The following PRKD2 variants were observed in gnomAD, a reference collection of about 807,000 sequenced individuals.
PRKD2 encodes protein kinase D2, also known as serine/threonine-protein kinase D2.
PRKD2 carries 22 observed loss-of-function variants against 86.0 expected under a neutral mutation model. The observed-to-expected ratio is 0.26, with a 90% CI of 0.18 to 0.37. The LOEUF (loss-of-function observed/expected upper bound fraction) is 0.37, where lower values mean the gene tolerates loss of function less well. PRKD2 is among the 10% of genes least tolerant of loss of function. PRKD2 has a pLI of 1.00. For missense variants in PRKD2, 818 were observed against 1,199.2 expected (o/e 0.68, Z 4.70); for synonymous variants, 509 against 510.9 (o/e 1.00, Z 0.05).
At chr19:46,701,298 T>C (rs1443437665) in intron 5 of PRKD2, among the ~76,000 whole-genome samples, 186 bp from the exon 6 acceptor site, 1 of 151,030 alleles carries the variant, frequency 6.6e-6, no homozygotes, top group Non-Finnish European at 1.5e-5. Flanking sequence ...ATCGGGGGGG[T>C]CTTGATTAAG....
At chr19:46,714,084 G>C in intron 1 of PRKD2, 83 bp from the exon 2 acceptor site, 2 of 1,506,280 alleles carry the variant, frequency 1.3e-6, no homozygotes, top group Non-Finnish European at 1.8e-6. Flanking sequence ...TCCCAGGGCA[G>C]GGCCGGCTGT....
Position 46,678,628 on chromosome 19 carries a change from G to A in PRKD2, c.2106C>T (p.Ile702=), listed in dbSNP as rs746360678. 1.9e-5 allele frequency: 31 copies of A among 1,609,122 alleles called. No individual in the cohort carries two copies. The highest frequency in any genetic ancestry group is 1.6e-4 in the Middle Eastern group (1 of 6,084). ...KLCDFGFARI[I]GEKSFRRSVV... ...CTGAGCGGCGGAACGACTTCTCGCC[G>A]ATGATGCGAGCAAAGCCAAAGTCAC... The change falls in exon 16 of 18, where the codon ATC becomes ATT. Residue 702 remains isoleucine (I), a synonymous_variant. Coordinates refer to ENST00000291281, the MANE Select transcript of PRKD2 (RefSeq NM_016457.5). The surrounding 1 kb of genome is among the most constrained non-coding windows in gnomAD (Gnocchi z 5.7).
chr19:46,686,878 G>A (rs1252952713), intron 14 of PRKD2, among the ~76,000 whole-genome samples: 1 of 151,852 alleles, frequency 6.6e-6, no homozygotes, highest in Non-Finnish European at 1.5e-5. Flanking sequence ...GTGAACCTGG[G>A]AGGCGGAGCT....
intron 2 of PRKD2, 59 bp downstream of exon 2, chr19:46,713,804 C>T (rs1393257614): frequency 2.9e-6 from 3 of 1,019,350 alleles, no homozygotes; most frequent in East Asian, 2.9e-5. Flanking sequence ...ACCCTCTCCT[C>T]CCCCAGATGC....
intron 12 of PRKD2, 129 bp downstream of exon 12, chr19:46,691,606 C>T (rs979756516): frequency 4.4e-6 from 4 of 904,972 alleles, no homozygotes; most frequent in Non-Finnish European, 7.3e-6. Context: ...CTAGCTAAGC[C>T]AATCAACATG....
At position 46,688,144 on chromosome 19, in the gene PRKD2, C is replaced by T. The variant is rs955644248; in HGVS notation, c.1971+1393G>A. Among the ~76,000 whole-genome samples, 3 of 152,244 alleles carry T rather than the reference C, an allele frequency of 2.0e-5. No individual in the cohort carries two copies. The South Asian group carries it at 6.2e-4, about 32-fold the overall frequency. On this transcript the variant is annotated intron_variant, in intron 14 of 17. Coordinates refer to ENST00000291281, the MANE Select transcript of PRKD2 (RefSeq NM_016457.5). ...GCTTCAAGCGATCCTCTTGCCTTGG[C>T]CTCCCAAAGCGCTGGGATTACGGGC...
In PRKD2 at chr19:46,697,714, C is replaced by T. The variant is rs748940974; in HGVS notation, c.1239+19G>A. On this transcript the variant is annotated intron_variant, in intron 8 of 17. Transcript: ENST00000291281. ...CCAGCCTTCGCTCCGCCGTACCCGG[C>T]CCCGCCCCGGCCACTCACCAGCGTG... is the stretch of plus-strand genomic sequence containing the variant. 1.4e-5 allele frequency: 22 copies of T among 1,600,826 alleles called. 1 individual carries two copies. The South Asian group carries it at 2.3e-4, about 17-fold the overall frequency.
intron 15 of PRKD2, among the ~76,000 whole-genome samples, chr19:46,680,719 T>C (rs1477381267): frequency 1.3e-5 from 2 of 151,488 alleles, no homozygotes; most frequent in Non-Finnish European, 2.9e-5. Context: ...GTTTCTTTTT[T>C]AAGAGACAGG....
intron 14 of PRKD2, chr19:46,685,852 G>A (rs1188915466): frequency 1.3e-5 from 2 of 152,398 alleles, no homozygotes; most frequent in Non-Finnish European, 2.9e-5. Flanking sequence ...GGGAGGCTGA[G>A]GTAGGAGAAT....
intron 12 of PRKD2, among the ~76,000 whole-genome samples, chr19:46,691,293 T>A (rs2053480054): frequency 6.6e-6 from 1 of 152,026 alleles, no homozygotes; most frequent in Non-Finnish European, 1.5e-5. Context: ...TCTACCCTCC[T>A]ATTCAATCAG....
At chr19:46,711,394 G>A (rs1419514977) in intron 2 of PRKD2, among the ~76,000 whole-genome samples, 1 of 152,116 alleles carries the variant, frequency 6.6e-6, no homozygotes, top group African/African-American at 2.4e-5. Flanking sequence ...AATGTTGTGG[G>A]CTTTTTTGTT....
chr19:46,704,480 C>T lies in PRKD2; in HGVS notation c.666+15G>A, dbSNP rs546593983. ...CCCCCTAGCCACCAACCCGTCCCAT[C>T]CCCCATCTCCTCACCAGCTCTTCAG... On this transcript the variant is annotated intron_variant, in intron 4 of 17. Coordinates refer to ENST00000291281, the MANE Select transcript of PRKD2 (RefSeq NM_016457.5). The T allele has an allele frequency of 1.7e-4, 271 of 1,614,116 alleles. No homozygotes were observed. The highest frequency in any genetic ancestry group is 1.4e-3 in the South Asian group (128 of 91,084).
rs1469330375 is a variant in PRKD2 at position 46,682,710 on chromosome 19, T to C, written c.1972-962A>G. Among the ~76,000 whole-genome samples the C allele has an allele frequency of 2.7e-5, 4 of 148,810 alleles. No individual in the cohort carries two copies. The South Asian group carries it at 8.6e-4, about 32-fold the overall frequency. ...CCAACTATGTGATTCTATTTTTTTT[T>C]TTTTTTTTTTTTTGAGACAGAGTCT... On this transcript the variant is annotated intron_variant, in intron 14 of 17. Transcript: ENST00000291281.
At chr19:46,675,827 G>A (rs1400309102) in intron 16 of PRKD2, among the ~76,000 whole-genome samples, 1 of 151,344 alleles carries the variant, frequency 6.6e-6, no homozygotes, top group African/African-American at 2.4e-5. Flanking sequence ...GTGCAGTGGC[G>A]TGATCAATGC....
In PRKD2 at chr19:46,703,992, C is replaced by CACACACACACA. The variant is rs946341425; in HGVS notation, c.889+176_889+177insTGTGTGTGTGT. On this transcript the variant is annotated intron_variant, in intron 5 of 17. Transcript: ENST00000291281. The stretch of plus-strand genomic sequence containing the variant: ...ACACACACACACACACACACACACA[C>CACACACACACA]AACTGAGGTTCTAAGATTCCAGAAT... Among the ~76,000 whole-genome samples, 10 of 150,200 alleles carry CACACACACACA rather than the reference C, an allele frequency of 6.7e-5. No individual in the cohort carries two copies. In the South Asian group the frequency reaches 1.3e-3, roughly 19 times the overall value.
chr19:46,710,280 G>C (rs1218027581), intron 3 of PRKD2: 1 of 151,632 alleles, frequency 6.6e-6, no homozygotes, highest in African/African-American at 2.4e-5. Context: ...ACAGTGTCGA[G>C]CTCCCAGGCT....
At chr19:46,683,373 G>A (rs557130482) in intron 14 of PRKD2, among the ~76,000 whole-genome samples, 10 of 152,154 alleles carry the variant, frequency 6.6e-5, no homozygotes, top group Middle Eastern at 3.4e-3. Flanking sequence ...GATTATAGGC[G>A]TGAGCCACTG....
chr19:46,703,910 C>G (rs2053670275), intron 5 of PRKD2, among the ~76,000 whole-genome samples: 1 of 150,710 alleles, frequency 6.6e-6, no homozygotes, highest in African/African-American at 2.4e-5. Context: ...CGCCACTGCA[C>G]TCCAGCCTGG....
chr19:46,697,551 C>T (rs112706505), intron 8 of PRKD2, among the ~76,000 whole-genome samples, 182 bp downstream of exon 8: 7,683 of 151,720 alleles, frequency 0.051, 251 homozygotes, highest in East Asian at 0.15. Context: ...AACTCCTGCC[C>T]GTAGTCCCAC....
Sources: gnomAD v4.1 joint callset for allele counts (sites outside exome capture counted in the v4.1 genomes callset) on GRCh38, gnomAD v4.1.1 for gene constraint, Gnocchi (gnomAD v3.1) non-coding constraint, MANE v1.5 for transcripts, NCBI Gene and HGNC (gene_info 2026-07-23, HGNC 2026-07-21) for gene names.